PITPNM3: variants seen among roughly 807,000 people sequenced by gnomAD.
The protein encoded by PITPNM3 is PITPNM family member 3.
Under a neutral mutation model 102.0 loss-of-function variants are expected in PITPNM3, and 26 were observed. The ratio of observed to expected loss-of-function variants is 0.25; its 90% CI spans 0.19 to 0.35. The LOEUF (loss-of-function observed/expected upper bound fraction) is 0.35. PITPNM3 is among the 10% of genes least tolerant of loss of function. The pLI, the probability that PITPNM3 is intolerant of heterozygous loss-of-function variation, is 1.00. For missense variants in PITPNM3, 1,083 were observed against 1,346.1 expected, an observed-to-expected ratio of 0.80 and a Z score of 3.06; for synonymous variants, 578 against 558.6, an observed-to-expected ratio of 1.03 and a Z score of -0.49.
intron 4 of PITPNM3, among the ~76,000 whole-genome samples, chr17:6,500,436 A>T (rs998942420): frequency 6.6e-6 from 1 of 152,240 alleles, no homozygotes; most frequent in African/African-American, 2.4e-5. Flanking sequence ...TCATTTCATA[A>T]AAGAAAAAGC....
In PITPNM3 at chr17:6,525,471, AAGAAGCAGCGGTGAGC is replaced by A. The variant is rs1174364454; in HGVS notation, c.119-24_119-9del. ...TCCCTTCAGCCATCTCCTCTGTGGG[AAGAAGCAGCGGTGAGC>A]AGAAGCAGGTGCAGCTAGGGATAGG... On this transcript the variant is annotated splice_polypyrimidine_tract_variant and intron_variant, in intron 2 of 19. Coordinates refer to ENST00000262483, the MANE Select transcript of PITPNM3 (RefSeq NM_031220.4). 6.2e-7 allele frequency: 1 copy of A among 1,611,088 alleles called. No homozygotes were observed. Among genetic ancestry groups the A allele is most frequent in the South Asian group, 1.1e-5 (1 of 91,020 alleles).
intron 10 of PITPNM3, among the ~76,000 whole-genome samples, chr17:6,473,992 A>T (rs1905181569): frequency 7.3e-6 from 1 of 136,790 alleles, no homozygotes; most frequent in Non-Finnish European, 1.7e-5. Context: ...AAAAAAAAAA[A>T]AAAAAGGTTG....
At chr17:6,550,189 C>T (rs907375163) in intron 1 of PITPNM3, among the ~76,000 whole-genome samples, 1 of 152,246 alleles carries the variant, frequency 6.6e-6, no homozygotes, top group Non-Finnish European at 1.5e-5. Context: ...GACAAGTTAG[C>T]TCCCAGGAAT....
chr17:6,461,114 G>T, intron 18 of PITPNM3: 1 of 559,980 alleles, frequency 1.8e-6, no homozygotes, highest in Non-Finnish European at 3.2e-6. Context: ...CAGATGTAGA[G>T]ACAAGAGTCA....
chr17:6,471,111 A>C, intron 12 of PITPNM3, 50 bp downstream of exon 12: 1 of 1,599,242 alleles, frequency 6.3e-7, no homozygotes, highest in Non-Finnish European at 8.5e-7. Flanking sequence ...ACCCAGAGGA[A>C]GGTTCCCCTC....
chr17:6,457,471 TAAATGAATGAGCAAATGGGGGAATGAAC>T lies in PITPNM3; in HGVS notation c.2619+95_2619+122del. On this transcript the variant is annotated intron_variant, in intron 19 of 19. Transcript: ENST00000262483. The surrounding 1 kb of genome is among the most constrained non-coding windows in gnomAD (Gnocchi z 4.7). ...CAGGCACCCCGAAGTGTTTGTTGAA[TAAATGAATGAGCAAATGGGGGAATGAAC>T]AAATGAATGAATGAATGAATGAAGT... 6.7e-7 allele frequency: 1 copy of T among 1,495,992 alleles called. No individual in the cohort carries two copies. Among genetic ancestry groups the T allele is most frequent in the Non-Finnish European group, 9.1e-7 (1 of 1,102,440 alleles). 92.7% of individuals were successfully genotyped at this position (1,495,992 alleles called of 1,614,324 possible). A position where few individuals can be genotyped will look rare whatever the true frequency, so the allele number is the denominator to read the frequency against.
chr17:6,553,663 G>A lies in PITPNM3; in HGVS notation c.22+2722C>T, dbSNP rs568145539. Among the ~76,000 whole-genome samples, 5 of 152,280 alleles carry A rather than the reference G, an allele frequency of 3.3e-5. No individual in the cohort carries two copies. The East Asian group carries it at 9.7e-4, about 30-fold the overall frequency. On this transcript the variant is annotated intron_variant, in intron 1 of 19. Transcript: ENST00000262483. ...TTAAAGGGAACATCTCACAGGTCAT[G>A]GTGCAGACCCCTCATTCACAGGCCG...
In PITPNM3 at chr17:6,530,977, G is replaced by A. The variant is rs151297426; in HGVS notation, c.119-5514C>T. Among the ~76,000 whole-genome samples, 98 of 152,270 alleles carry A rather than the reference G, an allele frequency of 6.4e-4. 3 individuals are homozygous for A. In the South Asian group the frequency reaches 0.018, roughly 28 times the overall value. On this transcript the variant is annotated intron_variant, in intron 2 of 19. Coordinates refer to ENST00000262483, the MANE Select transcript of PITPNM3 (RefSeq NM_031220.4). Reference sequence around the variant, plus strand: ...GTACAGAGCTGTGCCACTGGCCCACGGCCATGCAGAACCTCAGGGGAAGGG... The same window carrying A: ...GTACAGAGCTGTGCCACTGGCCCACAGCCATGCAGAACCTCAGGGGAAGGG...
intron 2 of PITPNM3, among the ~76,000 whole-genome samples, chr17:6,536,090 A>T (rs1302182704): frequency 6.6e-6 from 1 of 152,006 alleles, no homozygotes; most frequent in Non-Finnish European, 1.5e-5. Flanking sequence ...AAAAAGAAAA[A>T]AAAAAAAGGA....
chr17:6,478,074 C>A lies in PITPNM3; in HGVS notation c.801G>T (p.Val267=), dbSNP rs1158467955. Residue 267 remains valine (V), a synonymous_variant, in exon 8 of 20, where the codon GTG becomes GTT. Transcript: ENST00000262483. The surrounding 1 kb of genome is among the most constrained non-coding windows in gnomAD (Gnocchi z 4.4). ...TGGCATCGAAGGCCAGGAGGCCCCC[C>A]ACACAGTCCCCGATGAGACACACCT... ...SGQVCLIGDC[V]GGLLAFDAIC... is the part of the protein sequence containing the mutation. 6.2e-7 allele frequency: 1 copy of A among 1,613,672 alleles called. No homozygotes were observed. The highest frequency in any genetic ancestry group is 1.3e-5 in the African/African-American group (1 of 75,080).
chr17:6,544,745 G>A (rs1207192113), intron 1 of PITPNM3, among the ~76,000 whole-genome samples: 3 of 151,484 alleles, frequency 2.0e-5, no homozygotes, highest in Non-Finnish European at 4.4e-5. Flanking sequence ...TCTAACTCCT[G>A]GCGGCTGATG....
At chr17:6,473,057 A>G (rs1905138943) in intron 10 of PITPNM3, 4 of 582,612 alleles carry the variant, frequency 6.9e-6, no homozygotes, top group Non-Finnish European at 9.2e-6. Context: ...CCCTTCCCCA[A>G]TCAGGCTTGC....
At chr17:6,541,286 A>AGT (rs113549938) in intron 1 of PITPNM3, among the ~76,000 whole-genome samples, 34,978 of 145,528 alleles carry the variant, frequency 0.24, 4,137 homozygotes, top group East Asian at 0.32. Flanking sequence ...ATATGCTAAG[A>AGT]GTGTGTGTGT....
At chr17:6,508,162 C>T (rs8074599) in intron 3 of PITPNM3, among the ~76,000 whole-genome samples, 5,775 of 152,206 alleles carry the variant, frequency 0.038, 406 homozygotes, top group African/African-American at 0.13. Flanking sequence ...CTGGAAACGC[C>T]AGTGCGCAAG....
At chr17:6,548,150 C>T (rs1450792362) in intron 1 of PITPNM3, among the ~76,000 whole-genome samples, 1 of 152,154 alleles carries the variant, frequency 6.6e-6, no homozygotes, top group East Asian at 1.9e-4. Context: ...CACTCCATGC[C>T]AGCAAGAGCC....
chr17:6,484,332 C>T (rs770456183), intron 4 of PITPNM3, 40 bp from the exon 5 acceptor site: 3 of 1,542,672 alleles, frequency 1.9e-6, no homozygotes, highest in Non-Finnish European at 2.7e-6. Context: ...CTCCAGGCTT[C>T]CCTACAGTGA....
intron 1 of PITPNM3, among the ~76,000 whole-genome samples, chr17:6,541,841 T>C (rs1033311692): frequency 1.3e-5 from 2 of 152,146 alleles, no homozygotes; most frequent in East Asian, 3.8e-4. Context: ...CAGGAAGTGT[T>C]TGACAAACAA....
intron 1 of PITPNM3, among the ~76,000 whole-genome samples, chr17:6,545,435 G>A (rs1186042225): frequency 7.2e-5 from 11 of 151,982 alleles, no homozygotes; most frequent in Admixed American, 4.6e-4. Context: ...CCCTGCCCAC[G>A]CTCGTGAGGC....
chr17:6,472,905 A>G lies in PITPNM3; in HGVS notation c.1259-78T>C, dbSNP rs1010624918. 3 of 1,509,098 alleles carry G rather than the reference A, an allele frequency of 2.0e-6. No individual in the cohort carries two copies. Among genetic ancestry groups the G allele is most frequent in the African/African-American group, 2.8e-5 (2 of 72,404 alleles). 93.5% of individuals were successfully genotyped at this position (1,509,098 alleles called of 1,614,324 possible). A position where few individuals can be genotyped will look rare whatever the true frequency, so the allele number is the denominator to read the frequency against. ...GGCCCTAGGAGGCTCCCTGGAATGC[A>G]GCCTGGAGTAGCCTACTCCCCTCTC... On this transcript the variant is annotated intron_variant, in intron 10 of 19. Coordinates refer to ENST00000262483, the MANE Select transcript of PITPNM3 (RefSeq NM_031220.4). This position sits in a 1 kb window ranked among gnomAD's most constrained non-coding sequence, Gnocchi z 4.1.
Sources: allele counts gnomAD v4.1 joint callset (sites outside exome capture counted in the v4.1 genomes callset), GRCh38; gene constraint gnomAD v4.1.1; non-coding constraint Gnocchi (gnomAD v3.1); transcripts MANE v1.5; gene names NCBI Gene and HGNC (gene_info 2026-07-23, HGNC 2026-07-21).